Variants in NCOA6 observed in about 807,000 individuals in gnomAD.
NCOA6 encodes nuclear receptor coactivator 6.
NCOA6 carries 49 observed loss-of-function variants against 171.4 expected under a neutral mutation model. The observed-to-expected ratio is 0.29, with a 90% confidence interval of 0.23 to 0.36. NCOA6 has a LOEUF of 0.36. Among genes scored for constraint, NCOA6 ranks in the 10% least tolerant of loss-of-function variants. The pLI is 1.00. For missense variants in NCOA6, 2,248 were observed against 2,554.5 expected, an observed-to-expected ratio of 0.88 and a Z score of 2.59; for synonymous variants, 910 against 927.5, an observed-to-expected ratio of 0.98 and a Z score of 0.34.
chr20:34,800,604 A>G (rs905594211), intron 1 of NCOA6, among the ~76,000 whole-genome samples: 25 of 151,062 alleles, frequency 1.7e-4, no homozygotes, highest in African/African-American at 5.9e-4. Flanking sequence ...AAACTATAAA[A>G]AAGAGACAAA....
At position 34,741,141 on chromosome 20, in the gene NCOA6, G is replaced by A. The variant is rs777225494; in HGVS notation, c.5115C>T (p.Asn1705=). 2 of 1,614,236 alleles carry A rather than the reference G, an allele frequency of 1.2e-6. No individual in the cohort carries two copies. The highest frequency in any genetic ancestry group is 1.7e-6 in the Non-Finnish European group (2 of 1,180,038). Residue 1705 remains asparagine, a synonymous_variant, in exon 11 of 15, where the codon AAC becomes AAT. Coordinates refer to ENST00000359003, the MANE Select transcript of NCOA6 (RefSeq NM_014071.5). ...AVVGPLHIPQ[N]IKFSSAPVPP... ...GTACAGGAGCAGAAGAAAATTTTAT[G>A]TTCTGAGGTATGTGTAAAGGGCCAA...
intron 1 of NCOA6, among the ~76,000 whole-genome samples, chr20:34,804,033 C>T (rs1230605618): frequency 6.7e-6 from 1 of 149,316 alleles, no homozygotes; most frequent in African/African-American, 2.5e-5. Flanking sequence ...AGTGAGATTC[C>T]ATCTCTACAA....
intron 1 of NCOA6, among the ~76,000 whole-genome samples, chr20:34,794,383 A>C (rs1049273953): frequency 1.3e-5 from 2 of 152,212 alleles, no homozygotes; most frequent in Non-Finnish European, 1.5e-5. Flanking sequence ...TCATCATATA[A>C]GATGACGTAT....
Position 34,793,081 on chromosome 20 carries a change from C to G in NCOA6, c.-163-518G>C, listed in dbSNP as rs192932536. ...TACAAGCATGAGCCACTGCCCCCAG[C>G]CTTTTTTGAGATTTTAGGCCACTCA... On this transcript the variant is annotated intron_variant, in intron 1 of 14. Transcript: ENST00000359003. Among the ~76,000 whole-genome samples the G allele has an allele frequency of 3.3e-5, 5 of 152,150 alleles. No individual in the cohort carries two copies. The East Asian group carries it at 9.6e-4, about 29-fold the overall frequency.
Position 34,808,241 on chromosome 20 carries a change from C to T in NCOA6, c.-163-15678G>A, listed in dbSNP as rs571692572. Among the ~76,000 whole-genome samples, 381 of 152,074 alleles carry T rather than the reference C, an allele frequency of 2.5e-3. 1 individual carries two copies. Among genetic ancestry groups the T allele is most frequent in the African/African-American group, 8.6e-3 (358 of 41,466 alleles). ...CAAACGGTCCTCCTGCCCTACCTTC[C>T]CTGGAACTCTGCCCAGCCAGGATTC... is the stretch of plus-strand genomic sequence containing the variant. On this transcript the variant is annotated intron_variant, in intron 1 of 14. Coordinates refer to ENST00000359003, the MANE Select transcript of NCOA6 (RefSeq NM_014071.5).
chr20:34,724,819 C>T (rs1989767970), intron 14 of NCOA6, among the ~76,000 whole-genome samples: 1 of 149,162 alleles, frequency 6.7e-6, no homozygotes, highest in South Asian at 2.1e-4. Flanking sequence ...GATGGAGTCT[C>T]ACTCTGTTGC....
intron 6 of NCOA6, 141 bp from the exon 7 acceptor site, chr20:34,758,245 G>A (rs1483343093): frequency 2.2e-5 from 25 of 1,116,410 alleles, no homozygotes; most frequent in Non-Finnish European, 1.1e-5. Context: ...TACCTTCTAT[G>A]TATGAAGCAA....
chr20:34,823,488 A>G (rs1160572075), intron 1 of NCOA6, among the ~76,000 whole-genome samples: 1 of 152,180 alleles, frequency 6.6e-6, no homozygotes, highest in East Asian at 1.9e-4. Context: ...ATTCTCTTTG[A>G]TTATATGGGG....
At chr20:34,761,474 CT>C (rs1016109221) in intron 5 of NCOA6, among the ~76,000 whole-genome samples, 217 of 141,316 alleles carry the variant, frequency 1.5e-3, no homozygotes, top group Middle Eastern at 3.6e-3. Context: ...TTTGGTTATG[CT>C]TTTTTTTTTT....
At chr20:34,760,090 C>A (rs2076770908) in intron 5 of NCOA6, among the ~76,000 whole-genome samples, 1 of 152,006 alleles carries the variant, frequency 6.6e-6, no homozygotes, top group Non-Finnish European at 1.5e-5. Context: ...CCAGCCTGGG[C>A]AACATAGAAA....
chr20:34,757,825 G>C lies in NCOA6; in HGVS notation c.923C>G (p.Ala308Gly). Residue 308 changes from alanine (A) to glycine (G), a missense_variant, in exon 7 of 15, where the codon GCC becomes GGC. Transcript: ENST00000359003. ...TGGAGGAACAGGCACCTGAGTTGGG[G>C]CAGTAAACTGGGGTCGAATTCCCTG... Reference protein sequence around the residue: ...QPQGIRPQFTAPTQVPVPPGW... With the variant: ...QPQGIRPQFTGPTQVPVPPGW... 6.2e-7 allele frequency: 1 copy of C among 1,614,102 alleles called. No homozygotes were observed. Among genetic ancestry groups the C allele is most frequent in the South Asian group, 1.1e-5 (1 of 91,072 alleles).
chr20:34,753,191 G>A (rs904298821), intron 8 of NCOA6, among the ~76,000 whole-genome samples: 1 of 150,892 alleles, frequency 6.6e-6, no homozygotes, highest in South Asian at 2.1e-4. Context: ...GATTACAAGC[G>A]TCCGCCACCA....
At chr20:34,754,633 T>C in intron 8 of NCOA6, 89 bp downstream of exon 8, 1 of 1,490,124 alleles carries the variant, frequency 6.7e-7, no homozygotes, top group Non-Finnish European at 9.2e-7. Context: ...AGACCAAGAC[T>C]TATTACTTAT....
intron 13 of NCOA6, among the ~76,000 whole-genome samples, chr20:34,729,534 CAACAAAACAA>C (rs11470877): frequency 0.056 from 8,372 of 150,044 alleles, 628 homozygotes; most frequent in Admixed American, 0.16. Flanking sequence ...AAAAATAATG[CAACAAAACAA>C]AACAAAACAA....
chr20:34,727,194 C>T, intron 14 of NCOA6, 65 bp downstream of exon 14: 1 of 1,545,614 alleles, frequency 6.5e-7, no homozygotes, highest in South Asian at 1.2e-5. Flanking sequence ...AAGTCTTCTA[C>T]TGCTGTGGTA....
intron 14 of NCOA6, among the ~76,000 whole-genome samples, chr20:34,722,307 G>A (rs1462952690): frequency 6.6e-6 from 1 of 151,626 alleles, no homozygotes; most frequent in African/African-American, 2.4e-5. Context: ...CTTGAACCTG[G>A]GAGGCGGAGG....
Position 34,742,887 on chromosome 20 carries a change from G to A in NCOA6, c.3369C>T (p.Ser1123=). 1 of 1,614,254 alleles carries A rather than the reference G, an allele frequency of 6.2e-7. No homozygotes were observed. The highest frequency in any genetic ancestry group is 1.1e-5 in the South Asian group (1 of 91,084). ...VYQESPQNPS[S]SPLAEMASLP... ...GTGAGGCCATCTCCGCCAGTGGCGA[G>A]CTGGAAGGATTCTGCGGGCTCTCCT... Residue 1123 remains serine (S), a synonymous_variant, in exon 11 of 15, where the codon AGC becomes AGT. Coordinates refer to ENST00000359003, the MANE Select transcript of NCOA6 (RefSeq NM_014071.5).
chr20:34,736,754 C>T lies in NCOA6; in HGVS notation c.5898G>A (p.Pro1966=), dbSNP rs368541758. The T allele has an allele frequency of 4.3e-5, 70 of 1,609,770 alleles. 2 individuals are homozygous for T. The highest frequency in any genetic ancestry group is 4.3e-4 in the African/African-American group (32 of 74,792). ...SHPELLPSIA[P]SQNLVSKETS... is the part of the protein sequence containing the mutation. ...TTTCCTTTGAGACTAAATTCTGCGA[C>T]GGGGCTAAGGCAAGGAAAAAAAAAT... Residue 1966 remains proline, a synonymous_variant, in exon 12 of 15, where the codon CCG becomes CCA. Transcript: ENST00000359003.
intron 1 of NCOA6, among the ~76,000 whole-genome samples, chr20:34,792,899 T>A (rs1481604193): frequency 1.3e-5 from 2 of 150,292 alleles, no homozygotes; most frequent in African/African-American, 2.5e-5. Context: ...CACCTCAGGC[T>A]CCCAAGTAGC....
Sources: gnomAD v4.1 joint callset for allele counts (sites outside exome capture counted in the v4.1 genomes callset) on GRCh38, gnomAD v4.1.1 for gene constraint, MANE v1.5 for transcripts, NCBI Gene and HGNC (gene_info 2026-07-23, HGNC 2026-07-21) for gene names.